ZNF268: variants seen among roughly 807,000 people sequenced by gnomAD.
ZNF268 encodes the protein zinc finger protein 3.
In ZNF268, 20 loss-of-function variants were observed where a neutral mutation model predicts 29.3. That is an observed-to-expected ratio of 0.68 (90% confidence interval 0.48 to 0.99). The LOEUF (loss-of-function observed/expected upper bound fraction) is 0.99. Among genes scored for constraint, ZNF268 ranks in the 50% least tolerant of loss-of-function variants. The pLI is 0.00. For missense variants in ZNF268, 1,240 were observed against 1,121.6 expected, an observed-to-expected ratio of 1.11 and a Z score of -1.51; for synonymous variants, 429 against 376.9, an observed-to-expected ratio of 1.14 and a Z score of -1.60.
chr12:133,193,200 G>A (rs1171155927), intron 5 of ZNF268, among the ~76,000 whole-genome samples: 2 of 152,106 alleles, frequency 1.3e-5, no homozygotes, highest in Non-Finnish European at 2.9e-5. Flanking sequence ...GAGCATGGTG[G>A]TGTGCACCTG....
At chr12:133,201,854 T>C (rs555284266) in intron 5 of ZNF268, among the ~76,000 whole-genome samples, 3 of 152,260 alleles carry the variant, frequency 2.0e-5, no homozygotes, top group Non-Finnish European at 2.9e-5. Context: ...TTATCCAATA[T>C]GCAAAACTTT....
Position 133,211,160 on chromosome 12 carries a change from G to A in ZNF268, c.*6630G>A. 2.0e-5 allele frequency: 7 copies of A among 343,442 alleles called. No individual in the cohort carries two copies. Among genetic ancestry groups the A allele is most frequent in the South Asian group, 4.4e-5 (2 of 45,066 alleles). The allele number at this position is 343,442 out of a possible 1,614,324, so 21.3% of individuals were successfully genotyped here. A position where few individuals can be genotyped will look rare whatever the true frequency, so the allele number is the denominator to read the frequency against. On this transcript the variant is annotated 3_prime_UTR_variant, in exon 6 of 6. Coordinates refer to ENST00000536435, the MANE Select transcript of ZNF268 (RefSeq NM_003415.3). The stretch of plus-strand genomic sequence containing the variant: ...TATAGCAATAATTGGAATTTGTAAT[G>A]AATAAAATCATTCAAAAAAATCTGA...
In ZNF268 at chr12:133,210,005, G is replaced by A. The variant is rs1018788822; in HGVS notation, c.*5475G>A. The A allele has an allele frequency of 1.8e-4, 27 of 152,160 alleles. No individual in the cohort carries two copies. Among genetic ancestry groups the A allele is most frequent in the African/African-American group, 6.0e-4 (25 of 41,428 alleles). 9.4% of individuals were successfully genotyped at this position (152,160 alleles called of 1,614,324 possible). On this transcript the variant is annotated 3_prime_UTR_variant, in exon 6 of 6. Transcript: ENST00000536435. ...ACCCATATGTATAAAAAGTAGTTGGGCTTGCTATAAAGATGACTAGTGGAA... is the reference window on the plus strand; with the variant it reads ...ACCCATATGTATAAAAAGTAGTTGGACTTGCTATAAAGATGACTAGTGGAA...
In ZNF268 at chr12:133,214,106, A is replaced by G. The variant is rs1424847924; in HGVS notation, c.*9576A>G. 1 of 152,238 alleles carries G rather than the reference A, an allele frequency of 6.6e-6. No individual in the cohort carries two copies. The highest frequency in any genetic ancestry group is 2.4e-5 in the African/African-American group (1 of 41,466). 9.4% of individuals were successfully genotyped at this position (152,238 alleles called of 1,614,324 possible). ...AACCCAACAACAAAAAGACAACCCA[A>G]TATCAAAATGGGCAGAGGACTTGAA... On this transcript the variant is annotated 3_prime_UTR_variant, in exon 6 of 6. Transcript: ENST00000536435.
Position 133,211,891 on chromosome 12 carries a change from T to C in ZNF268, c.*7361T>C, listed in dbSNP as rs181363796. 4.6e-5 allele frequency: 7 copies of C among 152,310 alleles called. No homozygotes were observed. The highest frequency in any genetic ancestry group is 2.0e-4 in the Admixed American group (3 of 15,308). The allele number at this position is 152,310 out of a possible 1,614,324, so 9.4% of individuals were successfully genotyped here. A position where few individuals can be genotyped will look rare whatever the true frequency, so the allele number is the denominator to read the frequency against. ...TATTTAGATAACTGCTTTGAAAACA[T>C]AGGAGTTTGATCTAAACAAAACCCA... On this transcript the variant is annotated 3_prime_UTR_variant, in exon 6 of 6. Coordinates refer to ENST00000536435, the MANE Select transcript of ZNF268 (RefSeq NM_003415.3).
Position 133,211,167 on chromosome 12 carries a change from A to G in ZNF268, c.*6637A>G, listed in dbSNP as rs1956973610. 8.4e-6 allele frequency: 3 copies of G among 356,932 alleles called. No individual in the cohort carries two copies. The highest frequency in any genetic ancestry group is 1.7e-5 in the Non-Finnish European group (3 of 180,138). The allele number at this position is 356,932 out of a possible 1,614,324, so 22.1% of individuals were successfully genotyped here. A position where few individuals can be genotyped will look rare whatever the true frequency, so the allele number is the denominator to read the frequency against. ...ATAATTGGAATTTGTAATGAATAAA[A>G]TCATTCAAAAAAATCTGAAAAAGTG... is the stretch of plus-strand genomic sequence containing the variant. On this transcript the variant is annotated 3_prime_UTR_variant, in exon 6 of 6. Coordinates refer to ENST00000536435, the MANE Select transcript of ZNF268 (RefSeq NM_003415.3).
At chr12:133,189,514 T>C (rs1410316703) in intron 3 of ZNF268, among the ~76,000 whole-genome samples, 2 of 152,112 alleles carry the variant, frequency 1.3e-5, no homozygotes, top group African/African-American at 4.8e-5. Flanking sequence ...GGCATCCAGC[T>C]AGTTTCTTAA....
At position 133,202,981 on chromosome 12, in the gene ZNF268, T is replaced by C. The variant is rs752715795; in HGVS notation, c.1295T>C (p.Met432Thr). Reference sequence around the variant, plus strand: ...GCCTTTAATACAAAGTCAAACCTTATGGTACATCAGAGAACCCATACAGGG... The same window carrying C: ...GCCTTTAATACAAAGTCAAACCTTACGGTACATCAGAGAACCCATACAGGG... The part of the protein sequence containing the change: ...QKAFNTKSNL[M>T]VHQRTHTGEK... The change falls in exon 6 of 6, where the codon ATG (methionine) becomes ACG (threonine). Residue 432 changes from methionine (M) to threonine (T), a missense_variant. By Grantham distance (81) the Met-to-Thr change is moderately conservative. Transcript: ENST00000536435. 14 of 1,548,928 alleles carry C rather than the reference T, an allele frequency of 9.0e-6. No individual in the cohort carries two copies. In the African/African-American group the frequency reaches 9.5e-5, roughly 11 times the overall value.
At position 133,213,999 on chromosome 12, in the gene ZNF268, A is replaced by G. The variant is rs1957022596; in HGVS notation, c.*9469A>G. 1.3e-5 allele frequency: 2 copies of G among 150,482 alleles called. No homozygotes were observed. The highest frequency in any genetic ancestry group is 1.9e-4 in the East Asian group (1 of 5,192). 9.3% of individuals were successfully genotyped at this position (150,482 alleles called of 1,614,324 possible). A position where few individuals can be genotyped will look rare whatever the true frequency, so the allele number is the denominator to read the frequency against. ...GCGAGACTCCGTCTCAAAAAAAAAA[A>G]AGGTGAATATAGGAGAAAAGACACT... On this transcript the variant is annotated 3_prime_UTR_variant, in exon 6 of 6. Coordinates refer to ENST00000536435, the MANE Select transcript of ZNF268 (RefSeq NM_003415.3).
Position 133,202,576 on chromosome 12 carries a change from C to G in ZNF268, c.890C>G (p.Thr297Ser), listed in dbSNP as rs183661840. ...SKSYLLVHQQTHAEEKPYGCN... is the reference protein window; with the variant it reads ...SKSYLLVHQQSHAEEKPYGCN... ...TCATACCTTCTAGTGCATCAGCAAACTCATGCCGAAGAGAAACCCTATGGT... is the reference window on the plus strand; with the variant it reads ...TCATACCTTCTAGTGCATCAGCAAAGTCATGCCGAAGAGAAACCCTATGGT... Residue 297 changes from threonine (T) to serine (S), a missense_variant, in exon 6 of 6, where the codon ACT becomes AGT. Thr to Ser is a moderately conservative substitution (Grantham distance 58, BLOSUM62 1). Around this residue, in one of 3 missense-constraint regions of ZNF268, gnomAD observed 1,177 missense variants for 1,039.6 expected, o/e 1.13. Transcript: ENST00000536435. 1.6e-5 allele frequency: 25 copies of G among 1,609,098 alleles called. No homozygotes were observed. Among genetic ancestry groups the G allele is most frequent in the Non-Finnish European group, 1.5e-5 (18 of 1,177,386 alleles).
intron 1 of ZNF268, 61 bp from the exon 2 acceptor site, chr12:133,181,884 CT>C: frequency 5.9e-6 from 7 of 1,176,534 alleles, no homozygotes; most frequent in Non-Finnish European, 7.4e-6. Flanking sequence ...GCCTCGGACC[CT>C]CCCCCTCTGG....
intron 3 of ZNF268, among the ~76,000 whole-genome samples, chr12:133,189,363 C>T (rs1956404868): frequency 6.6e-6 from 1 of 151,718 alleles, no homozygotes; most frequent in African/African-American, 2.4e-5. Flanking sequence ...TACAGGTGCG[C>T]ACTACCATAC....
intron 5 of ZNF268, among the ~76,000 whole-genome samples, chr12:133,193,054 C>T (rs535622346): frequency 6.6e-6 from 1 of 152,324 alleles, no homozygotes; most frequent in African/African-American, 2.4e-5. Flanking sequence ...CCTGTTGATC[C>T]TGCTCTTCTG....
intron 2 of ZNF268, among the ~76,000 whole-genome samples, chr12:133,183,219 G>C (rs967160242): frequency 1.3e-5 from 2 of 152,216 alleles, no homozygotes; most frequent in African/African-American, 4.8e-5. Context: ...GTTGGGGACT[G>C]TTGGTATAGG....
chr12:133,188,161 G>A, intron 3 of ZNF268, 89 bp downstream of exon 3: 1 of 1,233,254 alleles, frequency 8.1e-7, no homozygotes, highest in South Asian at 1.5e-5. Context: ...TTAGGTCAGA[G>A]GGTTAAGTTA....
chr12:133,204,319 A>G lies in ZNF268; in HGVS notation c.2633A>G (p.Gln878Arg). 6.4e-7 allele frequency: 1 copy of G among 1,562,042 alleles called. No individual in the cohort carries two copies. Among genetic ancestry groups the G allele is most frequent in the South Asian group, 1.2e-5 (1 of 85,738 alleles). Residue 878 changes from glutamine to arginine, a missense_variant, in exon 6 of 6, where the codon CAA becomes CGA. By Grantham distance (43) the Gln-to-Arg change is conservative (BLOSUM62 1). This residue lies in a region of ZNF268 where 1,177 missense variants were observed against 1,039.6 expected (regional missense o/e 1.13). Coordinates refer to ENST00000536435, the MANE Select transcript of ZNF268 (RefSeq NM_003415.3). Reference sequence around the variant, plus strand: ...GGAAAAGCCTTCATTAGGAATTCTCAACTCATTGTACATCAAAGAACTCAT... The same window carrying G: ...GGAAAAGCCTTCATTAGGAATTCTCGACTCATTGTACATCAAAGAACTCAT... ...ECGKAFIRNS[Q>R]LIVHQRTHSG...
At position 133,191,986 on chromosome 12, in the gene ZNF268, C is replaced by T. The variant is rs974169274; in HGVS notation, c.440C>T (p.Pro147Leu). 2 of 1,612,968 alleles carry T rather than the reference C, an allele frequency of 1.2e-6. No homozygotes were observed. Among genetic ancestry groups the T allele is most frequent in the African/African-American group, 2.7e-5 (2 of 74,886 alleles). The change falls in exon 5 of 6, where the codon CCA becomes CTA. Residue 147 changes from proline to leucine, a missense_variant. Physicochemically the swap from Pro to Leu is moderately conservative, Grantham distance 98 (BLOSUM62 -3). Transcript: ENST00000536435. ...EELCMVQAQV[P>L]NQTCPNTVWK... ...CTGTGTATGGTGCAGGCCCAAGTTC[C>T]AAATCAGACCTGTCCAAGTGAGTGA... is the stretch of plus-strand genomic sequence containing the variant.
chr12:133,207,640 C>G lies in ZNF268; in HGVS notation c.*3110C>G, dbSNP rs1055967459. 47 of 152,068 alleles carry G rather than the reference C, an allele frequency of 3.1e-4. No individual in the cohort carries two copies. The highest frequency in any genetic ancestry group is 1.1e-3 in the African/African-American group (46 of 41,376). The allele number at this position is 152,068 out of a possible 1,614,324, so 9.4% of individuals were successfully genotyped here. ...CTGGCCAACATGGTGAAACCCCTCT[C>G]TACTAAAAATACAAAAAAATAGCAG... On this transcript the variant is annotated 3_prime_UTR_variant, in exon 6 of 6. Transcript: ENST00000536435.
Position 133,203,486 on chromosome 12 carries a change from T to C in ZNF268, c.1800T>C (p.Ile600=), listed in dbSNP as rs1469220114. The change falls in exon 6 of 6, where the codon ATT becomes ATC. Residue 600 remains isoleucine (I), a synonymous_variant. Transcript: ENST00000536435. The part of the protein sequence containing the change: ...GKAFGLKSQL[I]IHQRTHTGEK... ...CTTTTGGTTTAAAGTCACAGCTTAT[T>C]ATACACCAGAGAACTCATACAGGGG... 4 of 1,542,842 alleles carry C rather than the reference T, an allele frequency of 2.6e-6. No homozygotes were observed. In the African/African-American group the frequency reaches 5.5e-5, roughly 21 times the overall value.
Sources: gnomAD v4.1 joint callset for allele counts (sites outside exome capture counted in the v4.1 genomes callset) on GRCh38, gnomAD v4.1.1 for gene constraint, gnomAD v4.1.1 regional missense constraint, MANE v1.5 for transcripts, NCBI Gene and HGNC (gene_info 2026-07-23, HGNC 2026-07-21) for gene names.